The following L3MBTL4 variants were observed in gnomAD, a reference collection of about 807,000 sequenced individuals.
The protein encoded by L3MBTL4 is L3MBTL histone methyl-lysine binding protein 4.
Under a neutral mutation model 84.5 loss-of-function variants are expected in L3MBTL4, and 70 were observed. The observed-to-expected ratio is 0.83, with a 90% CI of 0.68 to 1.01. The LOEUF (loss-of-function observed/expected upper bound fraction) is 1.01, where lower values mean the gene tolerates loss of function less well. Ranked by LOEUF, L3MBTL4 falls within the 50% of genes least tolerant of loss-of-function variation. The pLI is 0.00. For missense variants in L3MBTL4, 715 were observed against 754.8 expected (o/e 0.95, Z 0.62); for synonymous variants, 274 against 259.8 (o/e 1.05, Z -0.52).
rs116127405 is a variant in L3MBTL4 at position 6,067,420 on chromosome 18, C to T, written c.1444+13461G>A. Among the ~76,000 whole-genome samples, 328 of 152,276 alleles carry T rather than the reference C, an allele frequency of 2.2e-3. No individual in the cohort carries two copies. The Middle Eastern group carries it at 0.034, about 16-fold the overall frequency. On this transcript the variant is annotated intron_variant, in intron 16 of 18. Transcript: ENST00000317931. ...CTAAACATTTAGACTTCTCTTTTCC[C>T]TCAGGAACACCAATTATTCTTAGAT...
intron 15 of L3MBTL4, among the ~76,000 whole-genome samples, chr18:6,082,962 A>G (rs1206073440): frequency 2.0e-5 from 3 of 152,118 alleles, no homozygotes; most frequent in African/African-American, 7.2e-5. Flanking sequence ...TTCTCACAAA[A>G]ACTCTACAAG....
At chr18:6,263,849 C>A in intron 5 of L3MBTL4, 98 bp downstream of exon 5, 1 of 850,852 alleles carries the variant, frequency 1.2e-6, no homozygotes, top group Admixed American at 1.9e-5. Context: ...ACAAATAATT[C>A]AAATAAGTTG....
chr18:6,028,813 G>C (rs1307693207), intron 16 of L3MBTL4, among the ~76,000 whole-genome samples: 1 of 152,084 alleles, frequency 6.6e-6, no homozygotes, highest in Non-Finnish European at 1.5e-5. Context: ...TTCACAGCTA[G>C]TGTTTATACT....
intron 1 of L3MBTL4, among the ~76,000 whole-genome samples, chr18:6,384,540 C>A (rs2144407909): frequency 6.6e-6 from 1 of 152,336 alleles, no homozygotes; most frequent in East Asian, 1.9e-4. Context: ...AAAACTCTCT[C>A]TTCTTTCACT....
At chr18:6,194,117 A>G (rs142001478) in intron 12 of L3MBTL4, among the ~76,000 whole-genome samples, 4 of 152,310 alleles carry the variant, frequency 2.6e-5, no homozygotes, top group African/African-American at 7.2e-5. Context: ...CAAAATAAAA[A>G]AAACTGCAAT....
chr18:6,207,547 G>A (rs960583036), intron 12 of L3MBTL4, among the ~76,000 whole-genome samples: 3 of 152,118 alleles, frequency 2.0e-5, no homozygotes, highest in Non-Finnish European at 2.9e-5. Flanking sequence ...ACTGAGGCAC[G>A]TTCACCTGGT....
intron 1 of L3MBTL4, chr18:6,396,099 C>T (rs549938628): frequency 2.0e-5 from 3 of 152,132 alleles, no homozygotes; most frequent in Admixed American, 6.5e-5. Flanking sequence ...GGAAATGAAG[C>T]TAGCCACATT....
chr18:6,234,353 A>G (rs1030773418), intron 10 of L3MBTL4, among the ~76,000 whole-genome samples: 2 of 152,236 alleles, frequency 1.3e-5, no homozygotes, highest in African/African-American at 4.8e-5. Context: ...GCACAGCAAA[A>G]GTAACTACCA....
At chr18:6,024,179 A>C (rs1738930703) in intron 16 of L3MBTL4, among the ~76,000 whole-genome samples, 1 of 152,112 alleles carries the variant, frequency 6.6e-6, no homozygotes. Context: ...GTCCGGCCTT[A>C]TTACTTCTTT....
intron 10 of L3MBTL4, among the ~76,000 whole-genome samples, chr18:6,233,812 A>C (rs1376135506): frequency 6.6e-6 from 1 of 152,182 alleles, no homozygotes; most frequent in African/African-American, 2.4e-5. Context: ...ATTGGGAAAA[A>C]CTACTTTAAG....
At chr18:6,010,494 A>G (rs1393464068) in intron 16 of L3MBTL4, among the ~76,000 whole-genome samples, 1 of 152,200 alleles carries the variant, frequency 6.6e-6, no homozygotes, top group Non-Finnish European at 1.5e-5. Context: ...CCACCTGCAT[A>G]AATGATCGCT....
intron 12 of L3MBTL4, among the ~76,000 whole-genome samples, chr18:6,194,175 G>A (rs1053660231): frequency 3.3e-5 from 5 of 152,120 alleles, no homozygotes; most frequent in African/African-American, 9.7e-5. Flanking sequence ...AACTCCCACC[G>A]TACAGTGATC....
chr18:6,070,720 C>T (rs2057561531), intron 16 of L3MBTL4, among the ~76,000 whole-genome samples: 1 of 152,156 alleles, frequency 6.6e-6, no homozygotes, highest in East Asian at 1.9e-4. Flanking sequence ...CACCTGTAGG[C>T]CCAGCTACTC....
chr18:6,247,496 T>TTTTTTTA (rs1568376520), intron 5 of L3MBTL4, among the ~76,000 whole-genome samples: 4 of 143,174 alleles, frequency 2.8e-5, no homozygotes, highest in African/African-American at 1.1e-4. Flanking sequence ...TTTTTTTTTT[T>TTTTTTTA]TAGATGGAGT....
rs185216016 is a variant in L3MBTL4, at chr18:6,065,223, T to C, written c.1444+15658A>G. Among the ~76,000 whole-genome samples, 4 of 152,162 alleles carry C rather than the reference T, an allele frequency of 2.6e-5. No individual in the cohort carries two copies. The East Asian group carries it at 7.7e-4, about 29-fold the overall frequency. On this transcript the variant is annotated intron_variant, in intron 16 of 18. Transcript: ENST00000317931. ...TCTACTTGATCATAATGTATTATTA[T>C]TATTTTTTGATGTGCTGTTGGATTT... is the stretch of plus-strand genomic sequence containing the variant.
intron 7 of L3MBTL4, among the ~76,000 whole-genome samples, chr18:6,241,721 C>T (rs923791906): frequency 1.3e-5 from 2 of 152,168 alleles, no homozygotes. Flanking sequence ...TAGTGCTTCC[C>T]CATCACGCGC....
At chr18:5,997,470 G>T (rs590259) in intron 16 of L3MBTL4, among the ~76,000 whole-genome samples, 8,498 of 152,194 alleles carry the variant, frequency 0.056, 796 homozygotes, top group African/African-American at 0.19. Context: ...TCAGCCCTGT[G>T]GTTTCACTGA....
At chr18:6,140,271 T>C (rs952340597) in intron 13 of L3MBTL4, among the ~76,000 whole-genome samples, 2 of 152,208 alleles carry the variant, frequency 1.3e-5, no homozygotes, top group African/African-American at 4.8e-5. Context: ...TTGTCTAACT[T>C]AGATTCTATC....
intron 4 of L3MBTL4, among the ~76,000 whole-genome samples, chr18:6,283,287 T>A (rs2049405499): frequency 6.6e-6 from 1 of 152,194 alleles, no homozygotes; most frequent in Non-Finnish European, 1.5e-5. Context: ...AAAGTGCTTT[T>A]TGAAAAAGTT....
Sources: gnomAD v4.1 joint callset for allele counts (sites outside exome capture counted in the v4.1 genomes callset) on GRCh38, gnomAD v4.1.1 for gene constraint, MANE v1.5 for transcripts, NCBI Gene and HGNC (gene_info 2026-07-23, HGNC 2026-07-21) for gene names.